Variants in UBR2 observed in about 807,000 individuals in gnomAD.
UBR2 encodes E3 ubiquitin-protein ligase UBR2.
In UBR2, 92 loss-of-function variants were observed where a neutral mutation model predicts 247.9. The observed-to-expected ratio is 0.37, with a 90% CI of 0.31 to 0.44. UBR2 has a LOEUF of 0.44. Among genes scored for constraint, UBR2 ranks in the 20% least tolerant of loss-of-function variants. UBR2 has a pLI of 1.00. For missense variants in UBR2, 1,613 were observed against 2,112.6 expected, an observed-to-expected ratio of 0.76 and a Z score of 4.64; for synonymous variants, 672 against 693.5, an observed-to-expected ratio of 0.97 and a Z score of 0.49.
At chr6:42,612,743 CT>C (rs1305077582) in intron 8 of UBR2, among the ~76,000 whole-genome samples, 1 of 152,186 alleles carries the variant, frequency 6.6e-6, no homozygotes, top group African/African-American at 2.4e-5. Context: ...ACTCCAACAA[CT>C]TTGGTTACCA....
chr6:42,599,884 C>T (rs796357300), intron 4 of UBR2, among the ~76,000 whole-genome samples: 2 of 152,176 alleles, frequency 1.3e-5, no homozygotes, highest in African/African-American at 2.4e-5. Context: ...GTGTGAGCCA[C>T]CACGCCTAGC....
chr6:42,636,459 G>C (rs148595479), intron 14 of UBR2, among the ~76,000 whole-genome samples: 15 of 152,160 alleles, frequency 9.9e-5, no homozygotes, highest in African/African-American at 3.4e-4. Context: ...AATTACCAGC[G>C]TGAGCCACCA....
At chr6:42,674,639 G>A (rs1393603004) in intron 38 of UBR2, among the ~76,000 whole-genome samples, 1 of 151,980 alleles carries the variant, frequency 6.6e-6, no homozygotes, top group Non-Finnish European at 1.5e-5. Context: ...GCACATGCCT[G>A]TAATCTCAGC....
Position 42,616,371 on chromosome 6 carries a change from AT to A in UBR2, c.1182+288del, listed in dbSNP as rs143058204. Among the ~76,000 whole-genome samples, 82 of 152,074 alleles carry A rather than the reference AT, an allele frequency of 5.4e-4. 1 individual carries two copies. The highest frequency in any genetic ancestry group is 1.1e-3 in the African/African-American group (47 of 41,510). Reference sequence around the variant, plus strand: ...AACCTATGCCATTGTGAATTATGGTATTTTTTTCTATTAAAATTCATATAAG... The same window carrying A: ...AACCTATGCCATTGTGAATTATGGTATTTTTTCTATTAAAATTCATATAAG... On this transcript the variant is annotated intron_variant, in intron 10 of 46. Transcript: ENST00000372901.
Position 42,659,504 on chromosome 6 carries a change from A to G in UBR2, c.3243-152A>G, listed in dbSNP as rs1797654376. 9.9e-6 allele frequency: 6 copies of G among 604,932 alleles called. No homozygotes were observed. The highest frequency in any genetic ancestry group is 9.2e-4 in the Middle Eastern group (2 of 2,180). The allele number at this position is 604,932 out of a possible 1,614,324, so 37.5% of individuals were successfully genotyped here. A position where few individuals can be genotyped will look rare whatever the true frequency, so the allele number is the denominator to read the frequency against. ...GACAGAGCAAGACTCTGTCTCAAAAAATAAATAAATATATATACACACACA... is the reference window on the plus strand; with the variant it reads ...GACAGAGCAAGACTCTGTCTCAAAAGATAAATAAATATATATACACACACA... On this transcript the variant is annotated intron_variant, in intron 29 of 46. Coordinates refer to ENST00000372901, the MANE Select transcript of UBR2 (RefSeq NM_001363705.2). The surrounding 1 kb of genome is among the most constrained non-coding windows in gnomAD (Gnocchi z 4.3).
chr6:42,592,461 A>G (rs1181999663), intron 3 of UBR2, among the ~76,000 whole-genome samples: 1 of 152,130 alleles, frequency 6.6e-6, no homozygotes, highest in Non-Finnish European at 1.5e-5. Context: ...GCTCTTCTGT[A>G]TTGGTTTTCA....
intron 11 of UBR2, among the ~76,000 whole-genome samples, chr6:42,620,537 C>T (rs1162067208): frequency 9.4e-5 from 14 of 149,100 alleles, no homozygotes; most frequent in Non-Finnish European, 1.5e-4. Context: ...TCACTGTCCC[C>T]CAGGCTGGAG....
intron 1 of UBR2, 43 bp downstream of exon 1, chr6:42,564,440 C>T: frequency 6.3e-7 from 1 of 1,586,446 alleles, no homozygotes; most frequent in Non-Finnish European, 8.6e-7. Context: ...CCCTCGCAGG[C>T]CGCGCCTGTG....
At chr6:42,679,572 C>A in intron 41 of UBR2, 152 bp from the exon 42 acceptor site, 1 of 649,690 alleles carries the variant, frequency 1.5e-6, no homozygotes, top group South Asian at 1.8e-5. Context: ...TGGATTCCTT[C>A]CATGTGCCAT....
At chr6:42,575,194 A>G (rs1405713510) in intron 2 of UBR2, among the ~76,000 whole-genome samples, 4 of 151,544 alleles carry the variant, frequency 2.6e-5, no homozygotes, top group Non-Finnish European at 5.9e-5. Context: ...TGTCAGAGAC[A>G]TTATTTAACT....
intron 15 of UBR2, 65 bp from the exon 16 acceptor site, chr6:42,640,144 A>G (rs1265149549): frequency 7.8e-7 from 1 of 1,275,446 alleles, no homozygotes; most frequent in Non-Finnish European, 1.1e-6. Flanking sequence ...GTGAATATTT[A>G]GGGTATTTTT....
chr6:42,681,192 G>T (rs1196914317), intron 42 of UBR2, among the ~76,000 whole-genome samples: 2 of 146,774 alleles, frequency 1.4e-5, no homozygotes, highest in Non-Finnish European at 3.0e-5. Context: ...AGAAAGACCA[G>T]CCTGGGTAAC....
At chr6:42,674,031 T>C in intron 37 of UBR2, 95 bp from the exon 38 acceptor site, 1 of 1,371,406 alleles carries the variant, frequency 7.3e-7, no homozygotes, top group Non-Finnish European at 1.0e-6. Flanking sequence ...TAAATTCTCA[T>C]GTGTCTTGCA....
intron 2 of UBR2, among the ~76,000 whole-genome samples, chr6:42,585,166 T>G (rs1792173283): frequency 6.6e-6 from 1 of 152,236 alleles, no homozygotes; most frequent in Non-Finnish European, 1.5e-5. Flanking sequence ...AAATGACTAT[T>G]TCATGTTGTC....
At chr6:42,592,121 C>T (rs1251168291) in intron 2 of UBR2, 30 bp from the exon 3 acceptor site, 13 of 1,541,530 alleles carry the variant, frequency 8.4e-6, no homozygotes, top group Non-Finnish European at 1.2e-5. Context: ...TATTTTCTGA[C>T]ACTTTGATTT....
intron 16 of UBR2, 57 bp from the exon 17 acceptor site, chr6:42,641,525 C>T: frequency 7.5e-7 from 1 of 1,332,420 alleles, no homozygotes; most frequent in Non-Finnish European, 1.0e-6. Context: ...CTTTTTAGAA[C>T]TGATTTTATG....
intron 21 of UBR2, 85 bp from the exon 22 acceptor site, chr6:42,648,033 A>G (rs900787520): frequency 9.4e-7 from 1 of 1,068,974 alleles, no homozygotes; most frequent in African/African-American, 1.6e-5. Flanking sequence ...TTAGGTTGTT[A>G]TGAGGGTCAA....
At position 42,594,272 on chromosome 6, in the gene UBR2, G is replaced by GAACTT; in HGVS notation, c.503_507dup (p.Thr170LeufsTer20). 1.2e-6 allele frequency: 2 copies of GAACTT among 1,612,380 alleles called. No homozygotes were observed. Among genetic ancestry groups the GAACTT allele is most frequent in the Non-Finnish European group, 1.7e-6 (2 of 1,178,872 alleles). The stretch of plus-strand genomic sequence containing the variant: ...AGAGGGTCCTTACTGTCAAAAACAT[G>GAACTT]AACTTAACACCTCTGAAATTGAGGA... On this transcript the variant is annotated frameshift_variant, in exon 4 of 47. Coordinates refer to ENST00000372901, the MANE Select transcript of UBR2 (RefSeq NM_001363705.2). LOFTEE classifies it high-confidence loss of function.
chr6:42,593,355 G>A (rs1254807613), intron 3 of UBR2, among the ~76,000 whole-genome samples: 1 of 151,976 alleles, frequency 6.6e-6, no homozygotes, highest in Non-Finnish European at 1.5e-5. Flanking sequence ...ACATTTCTTG[G>A]CATATATCTT....
Sources: allele counts gnomAD v4.1 joint callset (sites outside exome capture counted in the v4.1 genomes callset), GRCh38; gene constraint gnomAD v4.1.1; non-coding constraint Gnocchi (gnomAD v3.1); transcripts MANE v1.5; gene names NCBI Gene and HGNC (gene_info 2026-07-23, HGNC 2026-07-21).